TBC1D31: variants seen among roughly 807,000 people sequenced by gnomAD.
The protein encoded by TBC1D31 is WD repeat domain 67.
A neutral mutation model predicts 132.9 loss-of-function variants in TBC1D31; 99 were observed. The observed-to-expected ratio is 0.74, with a 90% CI of 0.63 to 0.88. The LOEUF (loss-of-function observed/expected upper bound fraction) is 0.88. Ranked by LOEUF, TBC1D31 falls within the 40% of genes least tolerant of loss-of-function variation. The pLI is 0.00. For missense variants in TBC1D31, 1,134 were observed against 1,256.6 expected (o/e 0.90, Z 1.48); for synonymous variants, 385 against 419.4 (o/e 0.92, Z 1.00).
downstream of TBC1D31, among the ~76,000 whole-genome samples, chr8:123,156,125 T>C (rs1264895893): frequency 6.6e-6 from 1 of 152,166 alleles, no homozygotes; most frequent in Non-Finnish European, 1.5e-5. Flanking sequence ...ATAGTAAACC[T>C]GGTTAGTAAA....
At chr8:123,165,055 C>G in the TBC1D31 span, among the ~76,000 whole-genome samples, 1 of 152,162 alleles carries the variant, frequency 6.6e-6, no homozygotes, top group Non-Finnish European at 1.5e-5. Flanking sequence ...TAAGGAGACC[C>G]AGGAGGAAGG....
rs1174269117 is a variant in TBC1D31 at position 123,100,995 on chromosome 8, A to G, written c.1020A>G (p.Gln340=). Residue 340 remains glutamine (Q), a synonymous_variant, in exon 7 of 22, where the codon CAA becomes CAG. Coordinates refer to ENST00000287380, the MANE Select transcript of TBC1D31 (RefSeq NM_145647.4). ...TATATTCAGTTCAGGCTTTAACACA[A>G]GAAATAAATAAGGTATGTATGATGA... The part of the protein sequence containing the change: ...LNIYSVQALT[Q]EINKPPPPLV... 6.2e-7 allele frequency: 1 copy of G among 1,609,616 alleles called. No homozygotes were observed. Among genetic ancestry groups the G allele is most frequent in the South Asian group, 1.1e-5 (1 of 90,968 alleles).
intron 10 of TBC1D31, among the ~76,000 whole-genome samples, chr8:123,113,998 A>G (rs1427006311): frequency 6.6e-6 from 1 of 152,184 alleles, no homozygotes; most frequent in Admixed American, 6.5e-5. Context: ...ATGAAACAAT[A>G]CTACAAAATA....
intron 18 of TBC1D31, among the ~76,000 whole-genome samples, 170 bp from the exon 19 acceptor site, chr8:123,142,092 T>TTG (rs1312454717): frequency 3.9e-5 from 6 of 152,138 alleles, no homozygotes; most frequent in Non-Finnish European, 7.4e-5. Context: ...TTTAATTGGC[T>TTG]TGTGGCAGGG....
At chr8:123,149,637 G>T (rs943269651) in intron 20 of TBC1D31, among the ~76,000 whole-genome samples, 3 of 152,194 alleles carry the variant, frequency 2.0e-5, no homozygotes, top group Non-Finnish European at 2.9e-5. Context: ...AGAAGGGTTC[G>T]GGTAAAACTT....
chr8:123,135,562 T>C (rs904134214), intron 17 of TBC1D31, among the ~76,000 whole-genome samples: 1 of 152,184 alleles, frequency 6.6e-6, no homozygotes, highest in African/African-American at 2.4e-5. Context: ...GATTGTGCAC[T>C]TCAGCCTGGG....
chr8:123,093,515 A>G (rs1816550069), intron 4 of TBC1D31, 76 bp from the exon 5 acceptor site: 40 of 972,906 alleles, frequency 4.1e-5, no homozygotes, highest in Non-Finnish European at 5.8e-5. Context: ...AGAAAAATAG[A>G]CTACTTGTAT....
chr8:123,109,604 C>T lies in TBC1D31; in HGVS notation c.1420C>T (p.Leu474Phe), dbSNP rs745899709. 6.8e-6 allele frequency: 11 copies of T among 1,613,200 alleles called. No homozygotes were observed. In the South Asian group the frequency reaches 1.2e-4, roughly 18 times the overall value. ...ATACCCCATCAAAAGTAGGAAGCTA[C>T]TCAGAGTATTACAGAGGTATGTTCT... ...KKYPIKSRKL[L>F]RVLQRTLSAL... The change falls in exon 10 of 22, where the codon CTC becomes TTC. Residue 474 changes from leucine to phenylalanine, a missense_variant. Coordinates refer to ENST00000287380, the MANE Select transcript of TBC1D31 (RefSeq NM_145647.4).
chr8:123,146,852 T>C lies in TBC1D31; in HGVS notation c.2974+1997T>C, dbSNP rs536870224. Among the ~76,000 whole-genome samples the C allele has an allele frequency of 3.2e-4, 48 of 152,070 alleles. No homozygotes were observed. The East Asian group carries it at 7.4e-3, about 23-fold the overall frequency. Reference sequence around the variant, plus strand: ...GGCGCATGCCACCATGCCCAGCTAATCTTTAGTAGAGATGGGGTTTCGCCA... The same window carrying C: ...GGCGCATGCCACCATGCCCAGCTAACCTTTAGTAGAGATGGGGTTTCGCCA... On this transcript the variant is annotated intron_variant, in intron 20 of 21. Transcript: ENST00000287380.
At chr8:123,154,784 C>A (rs1822943890), downstream of TBC1D31, among the ~76,000 whole-genome samples, 1 of 152,172 alleles carries the variant, frequency 6.6e-6, no homozygotes, top group African/African-American at 2.4e-5. Context: ...GCACACTAGG[C>A]ACATGGTTGG....
intron 2 of TBC1D31, among the ~76,000 whole-genome samples, chr8:123,081,584 T>A (rs2129791423): frequency 6.6e-6 from 1 of 152,318 alleles, no homozygotes; most frequent in South Asian, 2.1e-4. Flanking sequence ...ACATATTGAG[T>A]TCATAAAGTA....
chr8:123,120,275 A>T, intron 11 of TBC1D31, 87 bp downstream of exon 11: 1 of 1,066,416 alleles, frequency 9.4e-7, no homozygotes, highest in Non-Finnish European at 1.3e-6. Context: ...ACATTTAACA[A>T]TTCTAGATGT....
At chr8:123,131,272 G>A (rs1820589628) in intron 16 of TBC1D31, among the ~76,000 whole-genome samples, 1 of 148,178 alleles carries the variant, frequency 6.7e-6, no homozygotes, top group Non-Finnish European at 1.5e-5. Context: ...GCTGAGGCAG[G>A]AGAATTGCTT....
chr8:123,140,740 T>G, intron 17 of TBC1D31, 21 bp from the exon 18 acceptor site: 4 of 1,583,056 alleles, frequency 2.5e-6, no homozygotes, highest in Non-Finnish European at 3.4e-6. Flanking sequence ...AGTGATTTTT[T>G]TTTACAAATG....
intron 8 of TBC1D31, 115 bp downstream of exon 8, chr8:123,105,579 A>T (rs1162174482): frequency 1.0e-6 from 1 of 957,238 alleles, no homozygotes; most frequent in East Asian, 2.8e-5. Context: ...GAATAAAATG[A>T]AGAGAATAAA....
intron 1 of TBC1D31, 44 bp downstream of exon 1, chr8:123,072,890 G>A: frequency 6.5e-7 from 1 of 1,532,230 alleles, no homozygotes; most frequent in Non-Finnish European, 8.8e-7. Flanking sequence ...AGGGGATGGA[G>A]ACCGGCGAGG....
intron 10 of TBC1D31, among the ~76,000 whole-genome samples, chr8:123,117,967 A>G (rs982104101): frequency 2.0e-5 from 3 of 152,302 alleles, no homozygotes; most frequent in African/African-American, 7.2e-5. Flanking sequence ...TAAGATGTCA[A>G]TATGATGCAC....
chr8:123,109,198 A>G (rs1041211154), intron 8 of TBC1D31, 119 bp from the exon 9 acceptor site: 8 of 690,320 alleles, frequency 1.2e-5, no homozygotes, highest in African/African-American at 3.6e-5. Flanking sequence ...TGATACACAA[A>G]TATGTCTTAC....
In TBC1D31 at chr8:123,128,394, T is replaced by C. The variant is rs2385167; in HGVS notation, c.1998T>C (p.Phe666=). The C allele has an allele frequency of 0.072, 115,610 of 1,613,398 alleles. 5,195 individuals are homozygous for C. The highest frequency in any genetic ancestry group is 0.2 in the Admixed American group (12,058 of 59,990). The change falls in exon 14 of 22, where the codon TTT becomes TTC. Residue 666 remains phenylalanine (F), a synonymous_variant. Coordinates refer to ENST00000287380, the MANE Select transcript of TBC1D31 (RefSeq NM_145647.4). The part of the protein sequence containing the change: ...DIHPDSMLNV[F]VALTKGQYPV... ...ATCCAGACAGCATGCTTAATGTTTTTGTTGCACTGACAAAAGGGCAGTATC... is the reference window on the plus strand; with the variant it reads ...ATCCAGACAGCATGCTTAATGTTTTCGTTGCACTGACAAAAGGGCAGTATC...
Sources: allele counts gnomAD v4.1 joint callset (sites outside exome capture counted in the v4.1 genomes callset), GRCh38; gene constraint gnomAD v4.1.1; transcripts MANE v1.5; gene names NCBI Gene and HGNC (gene_info 2026-07-23, HGNC 2026-07-21).